The following ESRP1 variants were observed in gnomAD, a reference collection of about 807,000 sequenced individuals.
ESRP1 encodes the protein RNA-binding motif protein 35A.
ESRP1 carries 33 observed loss-of-function variants against 81.7 expected under a neutral mutation model. That is an observed-to-expected ratio of 0.40 (90% confidence interval 0.31 to 0.54). The LOEUF is 0.54. Ranked by LOEUF, ESRP1 falls within the 20% of genes least tolerant of loss-of-function variation. The probability of loss-of-function intolerance (pLI) is 0.41; values close to 1 mark genes in which losing one functional copy is unlikely to be tolerated. For missense variants in ESRP1, 672 were observed against 833.1 expected (o/e 0.81, Z 2.38); for synonymous variants, 320 against 303.3 (o/e 1.06, Z -0.57).
intron 13 of ESRP1, among the ~76,000 whole-genome samples, chr8:94,682,731 T>C (rs1234746240): frequency 6.7e-6 from 1 of 149,572 alleles, no homozygotes; most frequent in Non-Finnish European, 1.5e-5. Flanking sequence ...ATGAGTGATG[T>C]AGTCACAAGT....
intron 4 of ESRP1, among the ~76,000 whole-genome samples, chr8:94,660,693 C>G (rs1818678794): frequency 9.1e-6 from 1 of 110,384 alleles, no homozygotes; most frequent in African/African-American, 3.8e-5. Context: ...GCCTGGGCAA[C>G]AGAGCGAGAC....
In ESRP1 at chr8:94,702,449, A is replaced by G. The variant is rs543122660; in HGVS notation, c.*36-3476A>G. Among the ~76,000 whole-genome samples, 9 of 152,340 alleles carry G rather than the reference A, an allele frequency of 5.9e-5. 1 individual carries two copies. In the East Asian group the frequency reaches 1.2e-3, roughly 20 times the overall value. ...GGTTACCAGTTAATTACATGAAAAAATATAAAAACTGTATTTGATCATTTT... is the reference window on the plus strand; with the variant it reads ...GGTTACCAGTTAATTACATGAAAAAGTATAAAAACTGTATTTGATCATTTT... On this transcript the variant is annotated intron_variant, in intron 15 of 15. Coordinates refer to ENST00000433389, the MANE Select transcript of ESRP1 (RefSeq NM_017697.4).
In ESRP1 at chr8:94,692,781, A is replaced by G. The variant is rs1809456129; in HGVS notation, c.1925A>G (p.Tyr642Cys). Residue 642 changes from tyrosine (Y) to cysteine (C), a missense_variant, in exon 14 of 16, where the codon TAC (tyrosine) becomes TGC (cysteine). Physicochemically the swap from Tyr to Cys is radical, Grantham distance 194. Transcript: ENST00000433389. Reference sequence around the variant, plus strand: ...GTGGTCAGAATGCAGGGCCTGGCCTACAATACTGGAGTTAAGGAAATTCTT... The same window carrying G: ...GTGGTCAGAATGCAGGGCCTGGCCTGCAATACTGGAGTTAAGGAAATTCTT... ...GTVVRMQGLA[Y>C]NTGVKEILNF... is the part of the protein sequence containing the mutation. 6.2e-7 allele frequency: 1 copy of G among 1,613,818 alleles called. No homozygotes were observed. Among genetic ancestry groups the G allele is most frequent in the Non-Finnish European group, 8.5e-7 (1 of 1,179,836 alleles).
intron 12 of ESRP1, among the ~76,000 whole-genome samples, chr8:94,675,025 AAAAC>A (rs1380231954): frequency 6.6e-6 from 1 of 152,250 alleles, no homozygotes; most frequent in Non-Finnish European, 1.5e-5. Flanking sequence ...ACAAAAAACA[AAAAC>A]AAAAAAAACC....
intron 4 of ESRP1, among the ~76,000 whole-genome samples, chr8:94,654,662 C>T (rs763913840): frequency 6.6e-6 from 1 of 151,780 alleles, no homozygotes; most frequent in African/African-American, 2.4e-5. Context: ...TGGCTCATGC[C>T]TGTAATCTCA....
chr8:94,670,354 A>T (rs150559027), intron 10 of ESRP1, among the ~76,000 whole-genome samples: 289 of 151,826 alleles, frequency 1.9e-3, no homozygotes, highest in African/African-American at 6.6e-3. Context: ...TGTTCTTCTA[A>T]TGTTTTTGCT....
At chr8:94,689,487 A>G (rs1481108959) in intron 13 of ESRP1, among the ~76,000 whole-genome samples, 1 of 151,918 alleles carries the variant, frequency 6.6e-6, no homozygotes, top group African/African-American at 2.4e-5. Flanking sequence ...GATCTTATGT[A>G]ACCTTGCTGA....
intron 4 of ESRP1, among the ~76,000 whole-genome samples, chr8:94,650,928 A>G (rs1818093226): frequency 6.6e-6 from 1 of 152,080 alleles, no homozygotes; most frequent in South Asian, 2.1e-4. Context: ...GATGGTCTCG[A>G]TCTCCTGACC....
At chr8:94,667,068 G>GGGGGTGTGTGTGTGTGTGTGTGTGT (rs1554577644) in intron 9 of ESRP1, among the ~76,000 whole-genome samples, 2 of 144,244 alleles carry the variant, frequency 1.4e-5, no homozygotes, top group African/African-American at 5.3e-5. Context: ...CCAGGAGAGG[G>GGGGGTGTGTGTGTGTGTGTGTGTGT]GTGTGTGTGT....
chr8:94,667,296 T>C (rs1382431662), intron 9 of ESRP1, among the ~76,000 whole-genome samples: 6 of 152,006 alleles, frequency 3.9e-5, no homozygotes, highest in Middle Eastern at 3.2e-3. Flanking sequence ...TTCAAAGATA[T>C]GCATTTAAGT....
chr8:94,659,667 T>C (rs936723645), intron 4 of ESRP1, among the ~76,000 whole-genome samples: 1 of 152,214 alleles, frequency 6.6e-6, no homozygotes, highest in Non-Finnish European at 1.5e-5. Context: ...CCAAATGATT[T>C]GTCAAGTTGC....
intron 13 of ESRP1, among the ~76,000 whole-genome samples, chr8:94,689,195 G>A (rs1200541752): frequency 2.1e-5 from 3 of 143,150 alleles, no homozygotes; most frequent in Non-Finnish European, 4.5e-5. Flanking sequence ...ATGTTGTAGT[G>A]AGCTGAGATT....
chr8:94,641,802 A>C, intron 1 of ESRP1, 154 bp from the exon 2 acceptor site: 1 of 1,210,092 alleles, frequency 8.3e-7, no homozygotes, highest in Non-Finnish European at 1.1e-6. Flanking sequence ...GGGGGGCAGG[A>C]ACGCACCGGA....
At chr8:94,649,843 T>A (rs1203385895) in intron 4 of ESRP1, among the ~76,000 whole-genome samples, 1 of 152,112 alleles carries the variant, frequency 6.6e-6, no homozygotes, top group Non-Finnish European at 1.5e-5. Flanking sequence ...AGTTTTAGGT[T>A]TAGAGCAAAA....
chr8:94,693,812 T>G (rs1044856403), intron 14 of ESRP1, among the ~76,000 whole-genome samples: 3 of 152,208 alleles, frequency 2.0e-5, no homozygotes, highest in African/African-American at 7.2e-5. Flanking sequence ...AGGACTGTGA[T>G]CTCAGCTAAA....
At chr8:94,679,602 T>A (rs1472726408) in intron 13 of ESRP1, among the ~76,000 whole-genome samples, 2 of 152,232 alleles carry the variant, frequency 1.3e-5, no homozygotes, top group Non-Finnish European at 2.9e-5. Flanking sequence ...CAGAAGGAAC[T>A]GACATTTATG....
chr8:94,670,937 T>G (rs1357944980), intron 10 of ESRP1, among the ~76,000 whole-genome samples: 1 of 152,166 alleles, frequency 6.6e-6, no homozygotes, highest in Admixed American at 6.5e-5. Flanking sequence ...CCAAAGTGAT[T>G]GTTTGGCCTG....
chr8:94,692,641 A>G (rs867834785), intron 13 of ESRP1, 36 bp from the exon 14 acceptor site: 8 of 1,603,366 alleles, frequency 5.0e-6, no homozygotes, highest in East Asian at 2.2e-5. Flanking sequence ...AACATTGTCT[A>G]TTCCTATTGG....
chr8:94,674,235 G>A (rs1023865640), intron 11 of ESRP1, 73 bp from the exon 12 acceptor site: 1 of 1,518,276 alleles, frequency 6.6e-7, no homozygotes, highest in Non-Finnish European at 9.0e-7. Flanking sequence ...CACTTTGCAT[G>A]TTTTGTAAGC....
Sources: gnomAD v4.1 joint callset for allele counts (sites outside exome capture counted in the v4.1 genomes callset) on GRCh38, gnomAD v4.1.1 for gene constraint, MANE v1.5 for transcripts, NCBI Gene and HGNC (gene_info 2026-07-23, HGNC 2026-07-21) for gene names.